The following ZBTB20 variants were observed in gnomAD, a reference collection of about 807,000 sequenced individuals.
The protein encoded by ZBTB20 is zinc finger and BTB domain containing 20.
Under a neutral mutation model 56.9 loss-of-function variants are expected in ZBTB20, and 9 were observed. The observed-to-expected ratio is 0.16, with a 90% CI of 0.10 to 0.28. The LOEUF (loss-of-function observed/expected upper bound fraction) is 0.28. ZBTB20 is among the 10% of genes least tolerant of loss of function. ZBTB20 has a pLI of 1.00. For synonymous variants in ZBTB20, 417 were observed against 420.7 expected, an observed-to-expected ratio of 0.99 and a Z score of 0.11; for missense variants, 655 against 1,003.0, an observed-to-expected ratio of 0.65 and a Z score of 4.69.
intron 6 of ZBTB20, among the ~76,000 whole-genome samples, chr3:114,610,716 T>C (rs975989181): frequency 7.2e-5 from 11 of 152,162 alleles, no homozygotes; most frequent in Non-Finnish European, 1.3e-4. Flanking sequence ...TGTGTACTGG[T>C]GGTCTACTGT....
At chr3:114,927,368 G>A (rs1028294154) in intron 3 of ZBTB20, among the ~76,000 whole-genome samples, 14 of 152,144 alleles carry the variant, frequency 9.2e-5, no homozygotes, top group Admixed American at 7.9e-4. Flanking sequence ...GTTATGCTCC[G>A]ACTGTCTTGG....
intron 6 of ZBTB20, among the ~76,000 whole-genome samples, chr3:114,616,522 A>C (rs1316915639): frequency 2.0e-5 from 3 of 152,204 alleles, no homozygotes; most frequent in Non-Finnish European, 4.4e-5. Context: ...AATGACTGGC[A>C]CATAATAGTT....
intron 5 of ZBTB20, chr3:114,743,601 A>T (rs777907713): frequency 7.8e-5 from 12 of 154,180 alleles, no homozygotes; most frequent in Non-Finnish European, 1.3e-4. Flanking sequence ...TGATCCAAAA[A>T]ATGTGGTCCC....
intron 1 of ZBTB20, among the ~76,000 whole-genome samples, chr3:115,090,973 G>A (rs1046517206): frequency 2.0e-5 from 3 of 151,854 alleles, no homozygotes; most frequent in Non-Finnish European, 2.9e-5. Context: ...AAAATAGCAT[G>A]AGAGTCTCTG....
intron 1 of ZBTB20, among the ~76,000 whole-genome samples, chr3:115,107,490 G>A (rs1306724911): frequency 6.6e-6 from 1 of 151,866 alleles, no homozygotes; most frequent in African/African-American, 2.4e-5. Flanking sequence ...TTATTAAAAA[G>A]TCAAGAAACA....
chr3:114,768,598 G>T (rs921051921), intron 5 of ZBTB20, among the ~76,000 whole-genome samples: 7 of 152,062 alleles, frequency 4.6e-5, no homozygotes, highest in African/African-American at 1.4e-4. Flanking sequence ...ATATGTAAGA[G>T]GAAACAGACC....
chr3:114,712,209 A>G (rs2064130593), intron 5 of ZBTB20, among the ~76,000 whole-genome samples: 1 of 152,200 alleles, frequency 6.6e-6, no homozygotes, highest in African/African-American at 2.4e-5. Context: ...ACAGGGGATC[A>G]GAGTTGAAGG....
intron 7 of ZBTB20, among the ~76,000 whole-genome samples, chr3:114,491,423 T>C (rs1364920460): frequency 1.3e-5 from 2 of 152,154 alleles, no homozygotes; most frequent in African/African-American, 4.8e-5. Context: ...TTTCCTTAAA[T>C]CTCTTCCCCG....
intron 4 of ZBTB20, among the ~76,000 whole-genome samples, chr3:114,855,962 C>T (rs1362717972): frequency 6.6e-6 from 1 of 152,106 alleles, no homozygotes; most frequent in African/African-American, 2.4e-5. Context: ...CGTGACCTTC[C>T]TAGCATTATT....
chr3:114,409,383 A>G (rs1400738042), intron 7 of ZBTB20, among the ~76,000 whole-genome samples: 3 of 151,914 alleles, frequency 2.0e-5, no homozygotes, highest in African/African-American at 4.8e-5. Context: ...TTTCCTTTTA[A>G]AAATAGCCAA....
chr3:114,753,597 G>C (rs2067775023), intron 5 of ZBTB20, among the ~76,000 whole-genome samples: 1 of 151,640 alleles, frequency 6.6e-6, no homozygotes, highest in Non-Finnish European at 1.5e-5. Context: ...ACCACGCCCA[G>C]CTAATTTTGC....
chr3:114,540,848 T>C (rs1577397290), intron 6 of ZBTB20, among the ~76,000 whole-genome samples: 1 of 152,086 alleles, frequency 6.6e-6, no homozygotes, highest in Non-Finnish European at 1.5e-5. Context: ...ATTAAGCAAT[T>C]CCTTTAGTTT....
chr3:114,786,587 A>G (rs928187906), intron 5 of ZBTB20, among the ~76,000 whole-genome samples: 2 of 152,018 alleles, frequency 1.3e-5, no homozygotes, highest in African/African-American at 4.8e-5. Flanking sequence ...CAGAAATATA[A>G]TAATAATAGA....
At chr3:115,012,601 C>A (rs145881664) in intron 2 of ZBTB20, among the ~76,000 whole-genome samples, 1 of 151,852 alleles carries the variant, frequency 6.6e-6, no homozygotes, top group African/African-American at 2.4e-5. Context: ...TAGAGATAGA[C>A]CCCAATACTA....
intron 7 of ZBTB20, among the ~76,000 whole-genome samples, chr3:114,445,807 A>G (rs1188111758): frequency 3.3e-5 from 5 of 152,152 alleles, no homozygotes; most frequent in Non-Finnish European, 7.4e-5. Context: ...TATAAAATAT[A>G]TATGGTTTAC....
At chr3:115,024,454 T>C (rs914152348) in intron 2 of ZBTB20, among the ~76,000 whole-genome samples, 2 of 151,072 alleles carry the variant, frequency 1.3e-5, no homozygotes, top group Non-Finnish European at 3.0e-5. Context: ...CCTTGGATTT[T>C]CCCCATACTT....
chr3:114,978,628 T>C (rs969211237), intron 2 of ZBTB20, among the ~76,000 whole-genome samples: 1 of 151,532 alleles, frequency 6.6e-6, no homozygotes, highest in African/African-American at 2.4e-5. Context: ...GCACAACTTT[T>C]GGTTATGTGC....
rs1014744965 is a variant in ZBTB20 at position 114,543,003 on chromosome 3, T to C, written c.-294-42612A>G. On this transcript the variant is annotated intron_variant, in intron 6 of 11. Transcript: ENST00000675478. ...AAAGCAAAAAAATCTCATACACATATAATATCCAGAAAAACATACAACTGT... is the reference window on the plus strand; with the variant it reads ...AAAGCAAAAAAATCTCATACACATACAATATCCAGAAAAACATACAACTGT... 2.6e-5 allele frequency among the ~76,000 whole-genome samples: 4 copies of C among 152,102 alleles called. No homozygotes were observed. In the East Asian group the frequency reaches 7.7e-4, roughly 29 times the overall value.
chr3:114,597,605 C>G (rs1256491839), intron 6 of ZBTB20, among the ~76,000 whole-genome samples: 1 of 152,118 alleles, frequency 6.6e-6, no homozygotes, highest in African/African-American at 2.4e-5. Flanking sequence ...GGCACACAAA[C>G]AAAATTCTTC....
Sources: gnomAD v4.1 joint callset for allele counts (sites outside exome capture counted in the v4.1 genomes callset) on GRCh38, gnomAD v4.1.1 for gene constraint, MANE v1.5 for transcripts, NCBI Gene and HGNC (gene_info 2026-07-23, HGNC 2026-07-21) for gene names.